The following SPATA17 variants were observed in gnomAD, a reference collection of about 807,000 sequenced individuals.
The protein encoded by SPATA17 is spermatogenesis-associated protein 17.
In SPATA17, 53 loss-of-function variants were observed where a neutral mutation model predicts 62.2. That is an observed-to-expected ratio of 0.85 (90% confidence interval 0.68 to 1.07). SPATA17 has a LOEUF of 1.07. Among genes scored for constraint, SPATA17 ranks in the 50% least tolerant of loss-of-function variants. SPATA17 has a pLI of 0.00. For missense variants in SPATA17, 466 were observed against 425.5 expected (o/e 1.10, Z -0.84); for synonymous variants, 146 against 146.8 (o/e 0.99, Z 0.04).
At chr1:217,773,915 C>T (rs568827148) in intron 6 of SPATA17, among the ~76,000 whole-genome samples, 7 of 152,102 alleles carry the variant, frequency 4.6e-5, no homozygotes, top group African/African-American at 1.7e-4. Context: ...GTACCTGAAA[C>T]TTGATCAAGC....
intron 6 of SPATA17, among the ~76,000 whole-genome samples, chr1:217,764,342 C>A (rs1673248376): frequency 6.6e-6 from 1 of 152,146 alleles, no homozygotes; most frequent in African/African-American, 2.4e-5. Flanking sequence ...AGTCATACAG[C>A]CTTTTAAGAT....
At position 217,747,797 on chromosome 1, in the gene SPATA17, G is replaced by T. The variant is rs886409919; in HGVS notation, c.519+5699G>T. Among the ~76,000 whole-genome samples, 6 of 151,914 alleles carry T rather than the reference G, an allele frequency of 3.9e-5. No homozygotes were observed. The East Asian group carries it at 7.7e-4, about 20-fold the overall frequency. On this transcript the variant is annotated intron_variant, in intron 6 of 10. Transcript: ENST00000366933. ...GTCATAATTTATACGATAGATTTTT[G>T]ATGTTTTTCCTCACTCATCACTAAA...
intron 3 of SPATA17, among the ~76,000 whole-genome samples, chr1:217,661,648 A>G (rs7555651): frequency 0.26 from 38,940 of 151,860 alleles, 5,432 homozygotes; most frequent in African/African-American, 0.36. Flanking sequence ...TGACTTTCAT[A>G]CTGCTATATC....
At chr1:217,710,154 A>C (rs1360469675) in intron 5 of SPATA17, among the ~76,000 whole-genome samples, 1 of 152,208 alleles carries the variant, frequency 6.6e-6, no homozygotes, top group Non-Finnish European at 1.5e-5. Flanking sequence ...TGTGTGGTAC[A>C]TATGCAAAAA....
intron 5 of SPATA17, among the ~76,000 whole-genome samples, chr1:217,738,527 T>C (rs1672562295): frequency 6.6e-6 from 1 of 152,222 alleles, no homozygotes; most frequent in Non-Finnish European, 1.5e-5. Flanking sequence ...TATCTCATCC[T>C]CACAATAGTT....
chr1:217,749,985 C>CTCTCTCTATATATATA lies in SPATA17; in HGVS notation c.519+7888_519+7889insCTCTCTATATATATAT. On this transcript the variant is annotated intron_variant, in intron 6 of 10. Coordinates refer to ENST00000366933, the MANE Select transcript of SPATA17 (RefSeq NM_138796.4). ...TCTCTCTCTCTCTCTCTCTCTCTCT[C>CTCTCTCTATATATATA]TATATATATATATATATATATATAT... Among the ~76,000 whole-genome samples, 33 of 12,302 alleles carry CTCTCTCTATATATATA rather than the reference C, an allele frequency of 2.7e-3. 1 individual carries two copies. Among genetic ancestry groups the CTCTCTCTATATATATA allele is most frequent in the Non-Finnish European group, 3.8e-3 (24 of 6,336 alleles). The allele number at this position is 12,302 out of a possible 152,430, so 8.1% of individuals were successfully genotyped here.
At chr1:217,821,073 A>G (rs1011371329) in intron 9 of SPATA17, among the ~76,000 whole-genome samples, 9 of 152,090 alleles carry the variant, frequency 5.9e-5, no homozygotes, top group Non-Finnish European at 1.0e-4. Context: ...GCAAGAATTC[A>G]TTCACTACTG....
At chr1:217,679,766 A>T (rs7518468) in intron 4 of SPATA17, among the ~76,000 whole-genome samples, 1 of 152,192 alleles carries the variant, frequency 6.6e-6, no homozygotes, top group Non-Finnish European at 1.5e-5. Flanking sequence ...TGCTCTTTCC[A>T]ATAGTTGCTG....
At chr1:217,827,259 G>T (rs964965110) in intron 9 of SPATA17, among the ~76,000 whole-genome samples, 4 of 151,922 alleles carry the variant, frequency 2.6e-5, no homozygotes, top group African/African-American at 9.7e-5. Context: ...ATTAATGGAA[G>T]AAATTGAAGA....
chr1:217,735,585 A>G (rs1196099569), intron 5 of SPATA17, among the ~76,000 whole-genome samples: 1 of 152,172 alleles, frequency 6.6e-6, no homozygotes, highest in Non-Finnish European at 1.5e-5. Flanking sequence ...GCATACCTAC[A>G]ACTATAATGT....
At chr1:217,836,047 A>G (rs1675253108) in intron 9 of SPATA17, among the ~76,000 whole-genome samples, 1 of 151,852 alleles carries the variant, frequency 6.6e-6, no homozygotes, top group African/African-American at 2.4e-5. Context: ...CCCCTAAACT[A>G]CCTTTGAAAA....
At chr1:217,687,247 C>T (rs186892819) in intron 5 of SPATA17, among the ~76,000 whole-genome samples, 1 of 151,544 alleles carries the variant, frequency 6.6e-6, no homozygotes, top group East Asian at 1.9e-4. Context: ...ATATAATGTT[C>T]TCATATTCTA....
chr1:217,830,807 G>C (rs984649532), intron 9 of SPATA17, among the ~76,000 whole-genome samples: 2 of 152,128 alleles, frequency 1.3e-5, no homozygotes, highest in East Asian at 3.9e-4. Flanking sequence ...ACTGTTGTAA[G>C]GTTAAGCTAT....
At chr1:217,697,646 CTTT>C (rs1055572876) in intron 5 of SPATA17, among the ~76,000 whole-genome samples, 2 of 151,660 alleles carry the variant, frequency 1.3e-5, no homozygotes, top group Non-Finnish European at 2.9e-5. Context: ...AAAGTTTCTT[CTTT>C]AATAGTTAAG....
chr1:217,802,291 C>T (rs61825822), intron 9 of SPATA17, among the ~76,000 whole-genome samples: 1 of 152,078 alleles, frequency 6.6e-6, no homozygotes. Context: ...GTATAACATA[C>T]ATTTAACCTG....
At chr1:217,825,555 C>T (rs1674980421) in intron 9 of SPATA17, among the ~76,000 whole-genome samples, 1 of 151,806 alleles carries the variant, frequency 6.6e-6, no homozygotes, top group African/African-American at 2.4e-5. Flanking sequence ...TCTGATAAAT[C>T]ACGCTAATAT....
chr1:217,770,729 A>G, intron 6 of SPATA17, among the ~76,000 whole-genome samples: 1 of 152,152 alleles, frequency 6.6e-6, no homozygotes, highest in East Asian at 1.9e-4. Context: ...CCGTTTTAAC[A>G]CTTTTCCACA....
rs757995524 is a variant in SPATA17, at chr1:217,801,788, G to C, written c.943G>C (p.Gly315Arg). 6.2e-7 allele frequency: 1 copy of C among 1,610,924 alleles called. No individual in the cohort carries two copies. Among genetic ancestry groups the C allele is most frequent in the Admixed American group, 1.7e-5 (1 of 59,504 alleles). The change falls in exon 9 of 11, where the codon GGT becomes CGT. Residue 315 changes from glycine (G) to arginine (R), a missense_variant. Transcript: ENST00000366933. Reference protein sequence around the residue: ...IPSMHLSSKYGPISYKEQFRS... With the variant: ...IPSMHLSSKYRPISYKEQFRS... ...ATCAATGCATTTATCAAGCAAGTAT[G>C]GTCCTATTTCTTACAAAGAACAATT...
At chr1:217,748,466 A>G (rs891599036) in intron 6 of SPATA17, among the ~76,000 whole-genome samples, 1 of 151,506 alleles carries the variant, frequency 6.6e-6, no homozygotes, top group Non-Finnish European at 1.5e-5. Flanking sequence ...AATTTTGGCC[A>G]GGTGCAGTGG....
Sources: allele counts gnomAD v4.1 joint callset (sites outside exome capture counted in the v4.1 genomes callset), GRCh38; gene constraint gnomAD v4.1.1; transcripts MANE v1.5; gene names NCBI Gene and HGNC (gene_info 2026-07-23, HGNC 2026-07-21).